AHNAK: variants seen among roughly 807,000 people sequenced by gnomAD.
AHNAK encodes the protein AHNAK nucleoprotein, also known as neuroblast differentiation-associated protein AHNAK.
In AHNAK, 23 loss-of-function variants were observed where a neutral mutation model predicts 37.8. That is an observed-to-expected ratio of 0.61 (90% CI 0.44 to 0.86). AHNAK has a LOEUF of 0.86. AHNAK is among the 40% of genes least tolerant of loss of function. The pLI is 0.00. For synonymous variants in AHNAK, 2,481 were observed against 2,636.3 expected, an observed-to-expected ratio of 0.94 and a Z score of 1.80; for missense variants, 7,411 against 7,319.4, an observed-to-expected ratio of 1.01 and a Z score of -0.46.
intron 3 of AHNAK, among the ~76,000 whole-genome samples, chr11:62,535,704 G>A (rs758087720): frequency 3.3e-5 from 5 of 151,742 alleles, no homozygotes; most frequent in Non-Finnish European, 7.4e-5. Flanking sequence ...AGTGGGTGGT[G>A]GAGTCAGATC....
Position 62,535,203 on chromosome 11 carries a change from G to A in AHNAK, c.155-13C>T, listed in dbSNP as rs199789390. 361 of 1,601,224 alleles carry A rather than the reference G, an allele frequency of 2.3e-4. 2 individuals carry two copies. The Middle Eastern group carries it at 4.2e-3, about 18-fold the overall frequency. On this transcript the variant is annotated splice_polypyrimidine_tract_variant and intron_variant, in intron 3 of 4. Coordinates refer to ENST00000378024, the MANE Select transcript of AHNAK (RefSeq NM_001620.3). ...ACAATCTGGTCCCCTGAGCAGGGAA[G>A]AGCAGGAAGCAGGTAAGGCCCAAAG...
At position 62,523,400 on chromosome 11, in the gene AHNAK, T is replaced by C. The variant is rs757268049; in HGVS notation, c.11017A>G (p.Met3673Val). 16 of 1,613,050 alleles carry C rather than the reference T, an allele frequency of 9.9e-6. No homozygotes were observed. Among genetic ancestry groups the C allele is most frequent in the Non-Finnish European group, 1.3e-5 (15 of 1,179,694 alleles). ...TTCAAGTTCAGGTCAAAGTCAGGCATGGAGATCTTGGGGGCTTTGATGTTC... is the reference window on the plus strand; with the variant it reads ...TTCAAGTTCAGGTCAAAGTCAGGCACGGAGATCTTGGGGGCTTTGATGTTC... ...EMNIKAPKIS[M>V]PDFDLNLKGP... The change falls in exon 5 of 5, where the codon ATG becomes GTG. Residue 3673 changes from methionine (M) to valine (V), a missense_variant. Transcript: ENST00000378024.
rs562491129 is a variant in AHNAK, at chr11:62,451,789, C to T, written c.443-17898G>A. Among the ~76,000 whole-genome samples the T allele has an allele frequency of 7.2e-4, 106 of 148,134 alleles. No individual in the cohort carries two copies. The Middle Eastern group carries it at 0.014, about 20-fold the overall frequency. On this transcript the variant is annotated intron_variant, in intron 5 of 5. Transcript: ENST00000257247. Reference sequence around the variant, plus strand: ...ATAGGATAGATGGCACTTCAGAGCTCGTAACAACTAGCAAACTAATTTTTT... The same window carrying T: ...ATAGGATAGATGGCACTTCAGAGCTTGTAACAACTAGCAAACTAATTTTTT...
intron 5 of AHNAK, among the ~76,000 whole-genome samples, chr11:62,438,257 C>A (rs1351676920): frequency 1.2e-5 from 1 of 85,234 alleles, no homozygotes; most frequent in Non-Finnish European, 2.3e-5. Flanking sequence ...GATCTCGGCT[C>A]ACTGCAACTC....
At chr11:62,539,009 A>G (rs1019197565) in intron 1 of AHNAK, among the ~76,000 whole-genome samples, 37 of 152,154 alleles carry the variant, frequency 2.4e-4, no homozygotes, top group African/African-American at 8.9e-4. Context: ...GGTGTGGACA[A>G]TGTGTCTCCT....
chr11:62,456,375 G>A (rs577749768), intron 5 of AHNAK, among the ~76,000 whole-genome samples: 9 of 152,312 alleles, frequency 5.9e-5, no homozygotes, highest in Admixed American at 2.0e-4. Context: ...TGTGCTAGGC[G>A]GTCTTTATGC....
chr11:62,464,449 C>T (rs1938861486), intron 5 of AHNAK, among the ~76,000 whole-genome samples: 1 of 151,976 alleles, frequency 6.6e-6, no homozygotes, highest in Non-Finnish European at 1.5e-5. Flanking sequence ...GGGTGGATCA[C>T]CTGAGGTCAG....
intron 3 of AHNAK, among the ~76,000 whole-genome samples, chr11:62,535,478 G>A (rs1307127915): frequency 1.3e-5 from 2 of 151,880 alleles, no homozygotes; most frequent in African/African-American, 2.4e-5. Flanking sequence ...GAAAAACCCC[G>A]TCTCTACTAA....
chr11:62,458,080 A>AT (rs34702491), intron 5 of AHNAK, among the ~76,000 whole-genome samples: 5,435 of 148,546 alleles, frequency 0.037, 276 homozygotes, highest in African/African-American at 0.12. Flanking sequence ...TGCCTGTCTA[A>AT]TTTTTTTTTT....
rs1940012247 is a variant in AHNAK at position 62,516,214 on chromosome 11, A to AGTGTT, written c.*529_*530insAACAC. The AGTGTT allele has an allele frequency of 1.6e-6, 2 of 1,289,176 alleles. No individual in the cohort carries two copies. Among genetic ancestry groups the AGTGTT allele is most frequent in the Non-Finnish European group, 2.0e-6 (2 of 988,686 alleles). 79.9% of individuals were successfully genotyped at this position (1,289,176 alleles called of 1,614,324 possible). A position where few individuals can be genotyped will look rare whatever the true frequency, so the allele number is the denominator to read the frequency against. On this transcript the variant is annotated 3_prime_UTR_variant, in exon 5 of 5. Transcript: ENST00000378024. ...AAAGAAACAACACTAAAGAACCCTA[A>AGTGTT]AAACACCCACACACCCTGACTACCA...
At position 62,530,051 on chromosome 11, in the gene AHNAK, C is replaced by T. The variant is rs762826109; in HGVS notation, c.4366G>A (p.Val1456Ile). The T allele has an allele frequency of 1.9e-6, 3 of 1,613,938 alleles. No homozygotes were observed. Among genetic ancestry groups the T allele is most frequent in the South Asian group, 2.2e-5 (2 of 91,046 alleles). Reference sequence around the variant, plus strand: ...TTAGGACCTTTCAAATGCAAACCAACATCTGGTATGGATATCTTCTGAGGC... The same window carrying T: ...TTAGGACCTTTCAAATGCAAACCAATATCTGGTATGGATATCTTCTGAGGC... The part of the protein sequence containing the change: ...IKPQKISIPD[V>I]GLHLKGPKMK... Residue 1456 changes from valine (V) to isoleucine (I), a missense_variant, in exon 5 of 5, where the codon GTT (valine) becomes ATT (isoleucine). Val to Ile is a conservative substitution (Grantham distance 29). Transcript: ENST00000378024.
chr11:62,433,938 T>C (rs756039297), intron 5 of AHNAK: 1 of 1,603,970 alleles, frequency 6.2e-7, no homozygotes, highest in South Asian at 1.1e-5. Flanking sequence ...ACTATTTGCA[T>C]CTCTCCATAA....
At position 62,533,481 on chromosome 11, in the gene AHNAK, C is replaced by T. The variant is rs180974317; in HGVS notation, c.936G>A (p.Pro312=). Residue 312 remains proline (P), a synonymous_variant, in exon 5 of 5, where the codon CCG becomes CCA. Transcript: ENST00000378024. ...GKIKFPTMKV[P]KFGVSTGREG... Reference sequence around the variant, plus strand: ...CACGCCCTGTTGAGACACCAAATTTCGGCACTTTCATGGTGGGAAATTTAA... The same window carrying T: ...CACGCCCTGTTGAGACACCAAATTTTGGCACTTTCATGGTGGGAAATTTAA... The T allele has an allele frequency of 1.5e-5, 24 of 1,614,136 alleles. No homozygotes were observed. The highest frequency in any genetic ancestry group is 8.9e-5 in the East Asian group (4 of 44,886).
At chr11:62,453,319 TA>T (rs11307986) in intron 5 of AHNAK, among the ~76,000 whole-genome samples, 38,808 of 152,002 alleles carry the variant, frequency 0.26, 5,469 homozygotes, top group African/African-American at 0.37. Flanking sequence ...AGCTCAAGGG[TA>T]ATCTCTTCCA....
At chr11:62,501,306 C>G (rs1224657480) in intron 4 of AHNAK, among the ~76,000 whole-genome samples, 2 of 152,214 alleles carry the variant, frequency 1.3e-5, no homozygotes, top group Non-Finnish European at 2.9e-5. Context: ...CGGTGGCTCA[C>G]GCCTGTAATC....
Position 62,530,531 on chromosome 11 carries a change from C to G in AHNAK, c.3886G>C (p.Asp1296His). The change falls in exon 5 of 5, where the codon GAT becomes CAT. Residue 1296 changes from aspartate (D) to histidine (H), a missense_variant. Asp to His is a moderately conservative substitution (Grantham distance 81). Transcript: ENST00000378024. ...CCTTCCGGGCCCTCAAGGCTCACAT[C>G]TGGGACTTCAACATCCACCTTGGGT... The part of the protein sequence containing the change: ...SGPKVDVEVP[D>H]VSLEGPEGKL... 1 of 1,611,476 alleles carries G rather than the reference C, an allele frequency of 6.2e-7. No individual in the cohort carries two copies. Among genetic ancestry groups the G allele is most frequent in the African/African-American group, 1.4e-5 (1 of 73,958 alleles).
Position 62,524,184 on chromosome 11 carries a change from T to G in AHNAK, c.10233A>C (p.Ser3411=), listed in dbSNP as rs775284750. ...SKFKMPFLSI[S]SPKVSMPDVE... ...CGTCAGGCATAGAAACTTTGGGAGATGAAATACTCAGGAAAGGCATTTTAA... is the reference window on the plus strand; with the variant it reads ...CGTCAGGCATAGAAACTTTGGGAGAGGAAATACTCAGGAAAGGCATTTTAA... The change falls in exon 5 of 5, where the codon TCA becomes TCC. Residue 3411 remains serine, a synonymous_variant. Coordinates refer to ENST00000378024, the MANE Select transcript of AHNAK (RefSeq NM_001620.3). 1 of 1,613,944 alleles carries G rather than the reference T, an allele frequency of 6.2e-7. No homozygotes were observed. The highest frequency in any genetic ancestry group is 2.2e-5 in the East Asian group (1 of 44,892).
intron 4 of AHNAK, among the ~76,000 whole-genome samples, chr11:62,494,149 T>C (rs752856006): frequency 1.3e-5 from 2 of 152,084 alleles, no homozygotes; most frequent in Non-Finnish European, 2.9e-5. Context: ...TCTTAAAAAC[T>C]GCACATAGAT....
intron 5 of AHNAK, among the ~76,000 whole-genome samples, chr11:62,457,908 A>ATTT (rs373610508): frequency 2.7e-4 from 33 of 123,486 alleles, no homozygotes; most frequent in Admixed American, 7.1e-4. Flanking sequence ...GAGAAGCTGA[A>ATTT]TTTTTTTTTT....
Sources: allele counts gnomAD v4.1 joint callset (sites outside exome capture counted in the v4.1 genomes callset), GRCh38; gene constraint gnomAD v4.1.1; transcripts MANE v1.5; gene names NCBI Gene and HGNC (gene_info 2026-07-23, HGNC 2026-07-21).